RGS6: variants seen among roughly 807,000 people sequenced by gnomAD.
RGS6 encodes regulator of G-protein signaling 6.
A neutral mutation model predicts 78.5 loss-of-function variants in RGS6; 30 were observed. The ratio of observed to expected loss-of-function variants is 0.38; its 90% CI spans 0.29 to 0.52. The LOEUF (loss-of-function observed/expected upper bound fraction) is 0.52, where lower values mean the gene tolerates loss of function less well. RGS6 is among the 20% of genes least tolerant of loss of function. The pLI, the probability that RGS6 is intolerant of heterozygous loss-of-function variation, is 0.85. For missense variants in RGS6, 495 were observed against 609.7 expected, an observed-to-expected ratio of 0.81 and a Z score of 1.98; for synonymous variants, 206 against 206.0, an observed-to-expected ratio of 1.00 and a Z score of 0.00.
At chr14:71,921,728 A>G in the RGS6 span, among the ~76,000 whole-genome samples, 2 of 152,234 alleles carry the variant, frequency 1.3e-5, no homozygotes, top group Non-Finnish European at 2.9e-5. Context: ...ATGGGAAGAC[A>G]TTGGTTAAAG....
intron 2 of RGS6, among the ~76,000 whole-genome samples, chr14:72,248,483 T>C (rs1358369606): frequency 6.6e-6 from 1 of 152,248 alleles, no homozygotes; most frequent in East Asian, 1.9e-4. Flanking sequence ...TAATTTTGTA[T>C]ACAGCAAATA....
chr14:72,454,020 G>T (rs1489847908), intron 3 of RGS6, among the ~76,000 whole-genome samples: 1 of 152,208 alleles, frequency 6.6e-6, no homozygotes, highest in Non-Finnish European at 1.5e-5. Context: ...TCTAGCTATG[G>T]CACAGTGAGG....
At chr14:72,460,867 G>A (rs959696460) in intron 6 of RGS6, among the ~76,000 whole-genome samples, 8 of 152,162 alleles carry the variant, frequency 5.3e-5, no homozygotes, top group South Asian at 2.1e-4. Flanking sequence ...GGAGTCACAC[G>A]TTTGAGCAAG....
At chr14:72,320,047 G>A (rs2071462507) in intron 2 of RGS6, among the ~76,000 whole-genome samples, 1 of 152,080 alleles carries the variant, frequency 6.6e-6, no homozygotes, top group Non-Finnish European at 1.5e-5. Context: ...CACACCAGCA[G>A]GAATATCAAG....
chr14:72,533,733 A>C (rs2097210813), intron 15 of RGS6, among the ~76,000 whole-genome samples: 1 of 152,236 alleles, frequency 6.6e-6, no homozygotes, highest in Non-Finnish European at 1.5e-5. Flanking sequence ...AAGTAACTGC[A>C]GATGTGGTGG....
At chr14:71,887,595 C>T in the RGS6 span, among the ~76,000 whole-genome samples, 6 of 152,144 alleles carry the variant, frequency 3.9e-5, no homozygotes, top group African/African-American at 9.7e-5. Context: ...GACTGAGATA[C>T]GCCCTGGTCT....
chr14:72,575,429 G>A, the RGS6 span, among the ~76,000 whole-genome samples: 1 of 152,090 alleles, frequency 6.6e-6, no homozygotes. Context: ...CCATAGGTGA[G>A]GGCATTGAGG....
chr14:72,050,393 A>C (rs1179937565), intron 2 of RGS6, among the ~76,000 whole-genome samples: 1 of 152,228 alleles, frequency 6.6e-6, no homozygotes, highest in Non-Finnish European at 1.5e-5. Flanking sequence ...TTGCTGAACA[A>C]AATGGAAATA....
chr14:72,203,526 C>T (rs765272078), intron 2 of RGS6, among the ~76,000 whole-genome samples: 8 of 152,180 alleles, frequency 5.3e-5, no homozygotes, highest in Non-Finnish European at 1.0e-4. Flanking sequence ...TGCTTTCAAG[C>T]TCACACATGT....
rs569255685 is a variant in RGS6 at position 72,398,056 on chromosome 14, C to A, written c.184+45862C>A. 2.0e-5 allele frequency among the ~76,000 whole-genome samples: 3 copies of A among 152,246 alleles called. No homozygotes were observed. The East Asian group carries it at 5.8e-4, about 29-fold the overall frequency. On this transcript the variant is annotated intron_variant, in intron 3 of 17. Transcript: ENST00000553525. ...GCCAGGCTTTGGTATCAGGATGACGCTGGCCTCATAAAATGAGTTAGGGAG... is the reference window on the plus strand; with the variant it reads ...GCCAGGCTTTGGTATCAGGATGACGATGGCCTCATAAAATGAGTTAGGGAG...
chr14:72,286,911 G>A (rs2062670519), intron 2 of RGS6, among the ~76,000 whole-genome samples: 1 of 151,764 alleles, frequency 6.6e-6, no homozygotes, highest in Non-Finnish European at 1.5e-5. Context: ...AGCCTCCCAA[G>A]TAGCTGGGAT....
At chr14:72,350,995 A>G (rs1437068730) in intron 2 of RGS6, among the ~76,000 whole-genome samples, 4 of 152,292 alleles carry the variant, frequency 2.6e-5, no homozygotes, top group Middle Eastern at 3.4e-3. Context: ...ATCTATTTCT[A>G]TCAAACAAGT....
At chr14:71,999,480 A>G (rs2082975507) in intron 2 of RGS6, among the ~76,000 whole-genome samples, 1 of 152,252 alleles carries the variant, frequency 6.6e-6, no homozygotes, top group Non-Finnish European at 1.5e-5. Context: ...TATAACTCTA[A>G]CAGGTGGAGA....
intron 2 of RGS6, among the ~76,000 whole-genome samples, chr14:72,098,377 A>T (rs1023394932): frequency 6.6e-6 from 1 of 152,228 alleles, no homozygotes; most frequent in Non-Finnish European, 1.5e-5. Flanking sequence ...TCGTGTGGAC[A>T]TGTGGCAGGT....
chr14:72,458,508 C>T, intron 5 of RGS6, 131 bp downstream of exon 5: 1 of 685,182 alleles, frequency 1.5e-6, no homozygotes, highest in Non-Finnish European at 2.4e-6. Flanking sequence ...ACTGGGAAAG[C>T]CAAGAGAACT....
chr14:72,574,795 A>C, the RGS6 span, among the ~76,000 whole-genome samples: 1 of 152,138 alleles, frequency 6.6e-6, no homozygotes, highest in Non-Finnish European at 1.5e-5. Flanking sequence ...CAGTGGGTGG[A>C]CTCCATGAGC....
At chr14:72,305,619 G>T (rs2067063155) in intron 2 of RGS6, among the ~76,000 whole-genome samples, 1 of 152,164 alleles carries the variant, frequency 6.6e-6, no homozygotes, top group Non-Finnish European at 1.5e-5. Flanking sequence ...ACCTGTATAA[G>T]ATGGAGAACT....
chr14:71,909,847 A>C, the RGS6 span, among the ~76,000 whole-genome samples: 2 of 152,156 alleles, frequency 1.3e-5, no homozygotes, highest in Admixed American at 1.3e-4. Flanking sequence ...TGTCACCCCA[A>C]AATGAGCCTC....
chr14:71,888,657 GA>G, the RGS6 span, among the ~76,000 whole-genome samples: 10,568 of 142,714 alleles, frequency 0.074, 424 homozygotes, highest in Non-Finnish European at 0.089. Flanking sequence ...TCATTCAAGA[GA>G]AAAAAAAAAA....
Sources: allele counts gnomAD v4.1 joint callset (sites outside exome capture counted in the v4.1 genomes callset), GRCh38; gene constraint gnomAD v4.1.1; transcripts MANE v1.5; gene names NCBI Gene and HGNC (gene_info 2026-07-23, HGNC 2026-07-21).